LMLN: variants seen among roughly 807,000 people sequenced by gnomAD.
LMLN encodes leishmanolysin like peptidase, also known as leishmanolysin-like peptidase.
LMLN carries 70 observed loss-of-function variants against 92.3 expected under a neutral mutation model. That is an observed-to-expected ratio of 0.76 (90% CI 0.63 to 0.92). LMLN has a LOEUF of 0.92. LMLN is among the 40% of genes least tolerant of loss of function. The pLI is 0.00. For synonymous variants in LMLN, 308 were observed against 296.2 expected, an observed-to-expected ratio of 1.04 and a Z score of -0.41; for missense variants, 691 against 814.6, an observed-to-expected ratio of 0.85 and a Z score of 1.85.
intron 11 of LMLN, among the ~76,000 whole-genome samples, chr3:198,009,078 C>G (rs1722366906): frequency 6.6e-6 from 1 of 151,664 alleles, no homozygotes; most frequent in Non-Finnish European, 1.5e-5. Flanking sequence ...GTGAATGCAC[C>G]ATGTAAGCTT....
intron 1 of LMLN, among the ~76,000 whole-genome samples, chr3:197,962,661 C>T (rs547392392): frequency 6.6e-5 from 10 of 152,180 alleles, no homozygotes; most frequent in African/African-American, 1.9e-4. Flanking sequence ...TAAATACCCC[C>T]TAGGTCATAA....
chr3:198,038,696 CT>C, exon 16 of LMLN: 1 of 1,502,832 alleles, frequency 6.7e-7, no homozygotes, highest in Non-Finnish European at 9.3e-7. Context: ...TCAAGATATT[CT>C]TTTATGTTAT....
chr3:197,968,331 G>A (rs1034468724), intron 1 of LMLN, among the ~76,000 whole-genome samples: 3 of 151,986 alleles, frequency 2.0e-5, no homozygotes, highest in Non-Finnish European at 2.9e-5. Flanking sequence ...TTAGCTGGGT[G>A]TGGTGGCAGG....
At chr3:197,977,176 A>G (rs981915108) in intron 5 of LMLN, among the ~76,000 whole-genome samples, 3 of 152,248 alleles carry the variant, frequency 2.0e-5, no homozygotes, top group Non-Finnish European at 4.4e-5. Flanking sequence ...ATTTATGTTA[A>G]GTTATGGTAT....
intron 11 of LMLN, among the ~76,000 whole-genome samples, chr3:198,013,795 C>T (rs1430176463): frequency 8.9e-5 from 11 of 123,130 alleles, no homozygotes; most frequent in Admixed American, 2.4e-4. Flanking sequence ...GACTTCTCTC[C>T]ACCCTTCAGA....
chr3:198,024,681 GA>G lies in LMLN; in HGVS notation c.1553del (p.Lys518SerfsTer9). ...AGAAATTTTTAAGAACTATGGCGCT[GA>G]AAAGTATGGACCTCATTCCGTTTGT... On this transcript the variant is annotated frameshift_variant, in exon 14 of 16. Coordinates refer to ENST00000330198, the Ensembl canonical transcript of LMLN. LOFTEE classifies it high-confidence loss of function. 1.3e-6 allele frequency: 2 copies of G among 1,598,872 alleles called. No homozygotes were observed. The highest frequency in any genetic ancestry group is 1.1e-5 in the South Asian group (1 of 87,188).
chr3:197,975,523 GCACATGCA>G (rs1721347951), intron 3 of LMLN, among the ~76,000 whole-genome samples: 1 of 151,012 alleles, frequency 6.6e-6, no homozygotes, highest in African/African-American at 2.5e-5. Flanking sequence ...ACACACATGC[GCACATGCA>G]CGCACACATG....
At chr3:198,036,379 A>G (rs1261288750) in intron 15 of LMLN, among the ~76,000 whole-genome samples, 3 of 152,220 alleles carry the variant, frequency 2.0e-5, no homozygotes, top group Non-Finnish European at 4.4e-5. Flanking sequence ...AAATACAAAA[A>G]GTAATTAAAT....
At chr3:198,005,234 C>T (rs1252183428) in intron 11 of LMLN, among the ~76,000 whole-genome samples, 1 of 113,860 alleles carries the variant, frequency 8.8e-6, no homozygotes, top group Non-Finnish European at 1.8e-5. Context: ...GTAAGTTTGA[C>T]ATCTATCTAT....
At chr3:197,996,332 A>G (rs1229326316) in intron 10 of LMLN, 50 bp downstream of exon 10, 2 of 1,189,956 alleles carry the variant, frequency 1.7e-6, no homozygotes, top group Non-Finnish European at 2.4e-6. Context: ...AAAATAATTC[A>G]TAATTATGGT....
At chr3:198,003,228 A>C in intron 11 of LMLN, 103 bp downstream of exon 12, 2 of 642,682 alleles carry the variant, frequency 3.1e-6, no homozygotes, top group South Asian at 2.4e-5. Context: ...TAGTCTGAGC[A>C]GTTCAATTTT....
chr3:198,016,542 T>C (rs1465564781), intron 11 of LMLN, among the ~76,000 whole-genome samples: 3 of 152,208 alleles, frequency 2.0e-5, no homozygotes, highest in Non-Finnish European at 4.4e-5. Context: ...TTTAATAAAT[T>C]CCCAAGTGAT....
exon 16 of LMLN, chr3:198,041,613 G>A (rs1723406436): frequency 2.6e-5 from 4 of 152,144 alleles, no homozygotes; most frequent in African/African-American, 7.2e-5. Flanking sequence ...CTCAACCTGC[G>A]TAATGGTCTG....
intron 6 of LMLN, among the ~76,000 whole-genome samples, chr3:197,982,500 A>G (rs1721588966): frequency 6.6e-6 from 1 of 152,190 alleles, no homozygotes; most frequent in African/African-American, 2.4e-5. Flanking sequence ...TGCTGGGATG[A>G]CAGGCATGAG....
chr3:197,975,893 A>G, intron 3 of LMLN, 136 bp from the exon 4 acceptor site: 1 of 558,946 alleles, frequency 1.8e-6, no homozygotes, highest in South Asian at 2.6e-5. Context: ...CCCTTGCCAT[A>G]CAACCTTGAC....
chr3:197,995,329 T>A (rs1208471436), intron 9 of LMLN, among the ~76,000 whole-genome samples: 3 of 152,122 alleles, frequency 2.0e-5, no homozygotes, highest in Non-Finnish European at 2.9e-5. Context: ...AATAGTTAAG[T>A]TATGGGGAAA....
intron 6 of LMLN, among the ~76,000 whole-genome samples, chr3:197,983,093 T>G (rs1424332272): frequency 6.6e-6 from 1 of 152,264 alleles, no homozygotes; most frequent in Non-Finnish European, 1.5e-5. Flanking sequence ...AGAATTGTAT[T>G]CATACTTTTT....
intron 14 of LMLN, among the ~76,000 whole-genome samples, chr3:198,033,451 C>T (rs1165486789): frequency 6.6e-6 from 1 of 151,642 alleles, no homozygotes; most frequent in African/African-American, 2.4e-5. Flanking sequence ...GAGTCTCACT[C>T]TGTCACCCAG....
intron 1 of LMLN, among the ~76,000 whole-genome samples, chr3:197,973,229 G>C (rs1041514371): frequency 6.6e-6 from 1 of 151,648 alleles, no homozygotes; most frequent in Non-Finnish European, 1.5e-5. Context: ...CATTTGCTGT[G>C]CTCAGACATT....
Sources: allele counts gnomAD v4.1 joint callset (sites outside exome capture counted in the v4.1 genomes callset), GRCh38; gene constraint gnomAD v4.1.1; transcripts MANE v1.5; gene names NCBI Gene and HGNC (gene_info 2026-07-23, HGNC 2026-07-21).